The following STAMBP variants were observed in gnomAD, a reference collection of about 807,000 sequenced individuals.
STAMBP encodes the protein STAM binding protein, also known as STAM-binding protein.
In STAMBP, 31 loss-of-function variants were observed where a neutral mutation model predicts 50.7. The ratio of observed to expected loss-of-function variants is 0.61; its 90% CI spans 0.46 to 0.83. The LOEUF (loss-of-function observed/expected upper bound fraction) is 0.83. Among genes scored for constraint, STAMBP ranks in the 40% least tolerant of loss-of-function variants. The probability of loss-of-function intolerance (pLI) is 0.00; values close to 1 mark genes in which losing one functional copy is unlikely to be tolerated. For missense variants in STAMBP, 472 were observed against 518.9 expected, an observed-to-expected ratio of 0.91 and a Z score of 0.88; for synonymous variants, 211 against 192.4, an observed-to-expected ratio of 1.10 and a Z score of -0.80.
intron 2 of STAMBP, among the ~76,000 whole-genome samples, chr2:73,841,384 A>T (rs557808905): frequency 3.7e-4 from 57 of 152,302 alleles, no homozygotes; most frequent in Admixed American, 1.7e-3. Context: ...GTTAAAAAAA[A>T]TCATAGAAAC....
intron 2 of STAMBP, among the ~76,000 whole-genome samples, chr2:73,843,445 TATAA>T (rs1379126087): frequency 9.8e-4 from 144 of 147,412 alleles, no homozygotes; most frequent in African/African-American, 3.4e-3. Flanking sequence ...AATTAAAAAA[TATAA>T]ATAGAGACAA....
chr2:73,836,121 A>G (rs1674686423), intron 2 of STAMBP, among the ~76,000 whole-genome samples: 4 of 152,130 alleles, frequency 2.6e-5, no homozygotes, highest in South Asian at 2.1e-4. Context: ...CCATACATGT[A>G]TTTACATGAT....
chr2:73,832,948 G>T (rs1380855485), intron 2 of STAMBP, among the ~76,000 whole-genome samples: 1 of 152,208 alleles, frequency 6.6e-6, no homozygotes, highest in Non-Finnish European at 1.5e-5. Flanking sequence ...TGTTGCCTGT[G>T]TTAAGAGGAG....
In STAMBP at chr2:73,863,197, A is replaced by G. The variant is rs1327043919; in HGVS notation, c.*938A>G. The stretch of plus-strand genomic sequence containing the variant: ...TGTTTGGAGTACCAGGTTACACTCC[A>G]ATAAATGATTACATTTCCCAGCCAC... On this transcript the variant is annotated 3_prime_UTR_variant, in exon 10 of 10. Coordinates refer to ENST00000394070, the MANE Select transcript of STAMBP (RefSeq NM_213622.4). The G allele has an allele frequency of 6.6e-6, 1 of 152,224 alleles. No individual in the cohort carries two copies. The highest frequency in any genetic ancestry group is 2.4e-5 in the African/African-American group (1 of 41,454). 9.4% of individuals were successfully genotyped at this position (152,224 alleles called of 1,614,324 possible).
rs1197418982 is a variant in STAMBP at position 73,863,045 on chromosome 2, CT to C, written c.*787del. ...CTTTTAATTACTCCTTGTTTTTTAT[CT>C]GCCTGTTGCCATCTTCCAGAGGTGT... On this transcript the variant is annotated 3_prime_UTR_variant, in exon 10 of 10. Coordinates refer to ENST00000394070, the MANE Select transcript of STAMBP (RefSeq NM_213622.4). 6.6e-6 allele frequency: 1 copy of C among 152,174 alleles called. No homozygotes were observed. The allele number at this position is 152,174 out of a possible 1,614,324, so 9.4% of individuals were successfully genotyped here.
chr2:73,831,210 A>G, intron 2 of STAMBP, 151 bp downstream of exon 2: 1 of 646,784 alleles, frequency 1.5e-6, no homozygotes, highest in South Asian at 1.9e-5. Context: ...TTGCCGTTCA[A>G]AGACATGAGT....
At chr2:73,852,981 T>C (rs1258517966) in intron 7 of STAMBP, among the ~76,000 whole-genome samples, 2 of 150,798 alleles carry the variant, frequency 1.3e-5, no homozygotes, top group Non-Finnish European at 3.0e-5. Context: ...TGGGTTTCAC[T>C]ATGTTGGCCA....
chr2:73,849,644 C>T (rs947042514), intron 6 of STAMBP, among the ~76,000 whole-genome samples, 157 bp downstream of exon 6: 2 of 152,032 alleles, frequency 1.3e-5, no homozygotes, highest in Non-Finnish European at 2.9e-5. Flanking sequence ...AATTTGGTGA[C>T]CCTGTATTGA....
chr2:73,846,362 G>A (rs1366238113), intron 4 of STAMBP, among the ~76,000 whole-genome samples: 1 of 152,068 alleles, frequency 6.6e-6, no homozygotes, highest in African/African-American at 2.4e-5. Context: ...AGCACTTTGG[G>A]AGCCTGAAGT....
intron 1 of STAMBP, among the ~76,000 whole-genome samples, chr2:73,830,319 G>T (rs1357007535): frequency 6.6e-6 from 1 of 152,164 alleles, no homozygotes; most frequent in Non-Finnish European, 1.5e-5. Context: ...AACTCACCTT[G>T]TGCTCAAATA....
chr2:73,843,108 G>C (rs537431742), intron 2 of STAMBP, among the ~76,000 whole-genome samples: 1 of 151,326 alleles, frequency 6.6e-6, no homozygotes, highest in South Asian at 2.1e-4. Flanking sequence ...TATCTTAATA[G>C]ATTCTTCAGG....
intron 2 of STAMBP, among the ~76,000 whole-genome samples, chr2:73,839,177 T>A (rs903083238): frequency 6.6e-6 from 1 of 152,214 alleles, no homozygotes; most frequent in Non-Finnish European, 1.5e-5. Context: ...CTGGAGCAGT[T>A]CAGGCATCTT....
chr2:73,858,385 C>T (rs555089247), intron 7 of STAMBP, among the ~76,000 whole-genome samples: 3 of 151,958 alleles, frequency 2.0e-5, no homozygotes, highest in Non-Finnish European at 4.4e-5. Context: ...ATGATCTGCC[C>T]TCCTCAGCCT....
At chr2:73,869,111 A>G (rs1484193984), downstream of STAMBP, among the ~76,000 whole-genome samples, 2 of 152,246 alleles carry the variant, frequency 1.3e-5, no homozygotes, top group Non-Finnish European at 2.9e-5. Context: ...CAAGCTAAGT[A>G]TCTACCTAGA....
rs1472217545 is a variant in STAMBP, at chr2:73,847,743, C to T, written c.732C>T (p.Asn244=). 6.2e-7 allele frequency: 1 copy of T among 1,612,952 alleles called. No individual in the cohort carries two copies. The highest frequency in any genetic ancestry group is 8.5e-7 in the Non-Finnish European group (1 of 1,179,562). ...CCTTGAAACCTGGAGCACTGAGCAA[C>T]TCAGAAAGTAGTAAGTGCATTTGCT... The part of the protein sequence containing the change: ...DRSLKPGALS[N]SESIPTIDGL... Residue 244 remains asparagine, a synonymous_variant, in exon 5 of 10, where the codon AAC becomes AAT. Transcript: ENST00000394070.
At chr2:73,832,015 G>A (rs1160928137) in intron 2 of STAMBP, among the ~76,000 whole-genome samples, 2 of 149,682 alleles carry the variant, frequency 1.3e-5, no homozygotes, top group East Asian at 3.9e-4. Context: ...AGTCTTTTGA[G>A]ATCATAGTCA....
intron 7 of STAMBP, among the ~76,000 whole-genome samples, chr2:73,858,892 C>A (rs575079835): frequency 4.0e-5 from 6 of 151,558 alleles, no homozygotes; most frequent in South Asian, 2.1e-4. Context: ...GTAGTCCCCC[C>A]CTTATCCTCA....
At chr2:73,867,849 G>A (rs558370552), downstream of STAMBP, among the ~76,000 whole-genome samples, 8 of 152,244 alleles carry the variant, frequency 5.3e-5, no homozygotes, top group East Asian at 1.5e-3. Flanking sequence ...AATTGGCCAG[G>A]TGCGGTGGCT....
At chr2:73,831,103 C>A in intron 2 of STAMBP, 44 bp downstream of exon 2, 1 of 1,533,544 alleles carries the variant, frequency 6.5e-7, no homozygotes, top group Non-Finnish European at 9.0e-7. Flanking sequence ...GTGACTGGTG[C>A]CTCGCCTATT....
Sources: allele counts gnomAD v4.1 joint callset (sites outside exome capture counted in the v4.1 genomes callset), GRCh38; gene constraint gnomAD v4.1.1; transcripts MANE v1.5; gene names NCBI Gene and HGNC (gene_info 2026-07-23, HGNC 2026-07-21).